The following WTAP variants were observed in gnomAD, a reference collection of about 807,000 sequenced individuals.
WTAP encodes the protein WT1 associated protein, also known as pre-mRNA-splicing regulator WTAP.
Under a neutral mutation model 50.0 loss-of-function variants are expected in WTAP, and 8 were observed. That is an observed-to-expected ratio of 0.16 (90% CI 0.09 to 0.29). The LOEUF is 0.29. Among genes scored for constraint, WTAP ranks in the 10% least tolerant of loss-of-function variants. The pLI is 1.00. For synonymous variants in WTAP, 194 were observed against 169.0 expected, an observed-to-expected ratio of 1.15 and a Z score of -1.15; for missense variants, 295 against 470.7, an observed-to-expected ratio of 0.63 and a Z score of 3.45.
intron 2 of WTAP, among the ~76,000 whole-genome samples, chr6:159,738,393 T>C (rs9364534): frequency 0.21 from 32,015 of 152,146 alleles, 3,509 homozygotes; most frequent in East Asian, 0.4. Context: ...TTAAGGCTTA[T>C]ACAAATTGTT....
In WTAP at chr6:159,755,083, C is replaced by A; in HGVS notation, c.663C>A (p.Thr221=). The A allele has an allele frequency of 6.2e-7, 1 of 1,614,140 alleles. No homozygotes were observed. The highest frequency in any genetic ancestry group is 1.1e-5 in the South Asian group (1 of 91,070). ...AAGAAGTAGAGGGTATGCAGAGTAC[C>A]ATTCTAGTTCTGCAGCAGCAGCTGA... ...LDEEVEGMQS[T]ILVLQQQLKE... The change falls in exon 8 of 8, where the codon ACC becomes ACA. Residue 221 remains threonine, a synonymous_variant. Transcript: ENST00000621533.
intron 2 of WTAP, 67 bp downstream of exon 2, chr6:159,736,362 T>C (rs1056330952): frequency 8.5e-7 from 1 of 1,172,028 alleles, no homozygotes; most frequent in Admixed American, 2.1e-5. Context: ...TTAAGCACTT[T>C]AAAAAAAAAT....
chr6:159,729,527 A>G (rs941903749), intron 1 of WTAP, among the ~76,000 whole-genome samples: 1 of 152,246 alleles, frequency 6.6e-6, no homozygotes, highest in African/African-American at 2.4e-5. Context: ...TTCTAAGTGC[A>G]CATTGAAGTT....
chr6:159,751,669 C>G (rs1562466741), intron 6 of WTAP, among the ~76,000 whole-genome samples: 1 of 152,344 alleles, frequency 6.6e-6, no homozygotes, highest in East Asian at 1.9e-4. Context: ...GTGGCTTTCA[C>G]CCTCGGGCTC....
rs200509804 is a variant in WTAP at position 159,733,917 on chromosome 6, C to CA, written c.-8-2332dup. On this transcript the variant is annotated intron_variant, in intron 1 of 7. Transcript: ENST00000621533. ...GGCAACAAGAGCGAAACTCCATCTCCAAAAAAAAAGATTAAACAGAGAAAG... is the reference window on the plus strand; with the variant it reads ...GGCAACAAGAGCGAAACTCCATCTCCAAAAAAAAAAGATTAAACAGAGAAAG... 2.3e-4 allele frequency among the ~76,000 whole-genome samples: 34 copies of CA among 150,134 alleles called. No individual in the cohort carries two copies. In the South Asian group the frequency reaches 3.2e-3, roughly 14 times the overall value.
At position 159,753,587 on chromosome 6, in the gene WTAP, A is replaced by G; in HGVS notation, c.580A>G (p.Ser194Gly). ...EAELALQKKY[S>G]EELKSSQDEL... Reference sequence around the variant, plus strand: ...AGAGTTGGCTTTACAGAAGAAATACAGTGAGGAGCTTAAAAGCAGTCAGGA... The same window carrying G: ...AGAGTTGGCTTTACAGAAGAAATACGGTGAGGAGCTTAAAAGCAGTCAGGA... Residue 194 changes from serine (S) to glycine (G), a missense_variant, in exon 7 of 8, where the codon AGT (serine) becomes GGT (glycine). By Grantham distance (56) the Ser-to-Gly change is moderately conservative. Around this residue, in one of 2 missense-constraint regions of WTAP, gnomAD observed 120 missense variants for 287.6 expected, o/e 0.42. Transcript: ENST00000621533. 1 of 1,613,690 alleles carries G rather than the reference A, an allele frequency of 6.2e-7. No individual in the cohort carries two copies. The highest frequency in any genetic ancestry group is 8.5e-7 in the Non-Finnish European group (1 of 1,179,716).
chr6:159,755,760 C>CTTTTTTTTTTTTTTTTTTTTTTTT lies in WTAP; in HGVS notation c.*153_*154insTTTTTTTTTTTTTTTTTTTTTTTT, dbSNP rs1779984995. 8 of 283,698 alleles carry CTTTTTTTTTTTTTTTTTTTTTTTT rather than the reference C, an allele frequency of 2.8e-5. No individual in the cohort carries two copies. The highest frequency in any genetic ancestry group is 2.0e-4 in the African/African-American group (4 of 19,974). The allele number at this position is 283,698 out of a possible 1,614,324, so 17.6% of individuals were successfully genotyped here. ...TGTTTTTTTTCTTTGTTTTTTTTTT[C>CTTTTTTTTTTTTTTTTTTTTTTTT]TTTTCTTTTTTTTTTTTTTTTTTTT... On this transcript the variant is annotated 3_prime_UTR_variant, in exon 8 of 8. Coordinates refer to ENST00000621533, the MANE Select transcript of WTAP (RefSeq NM_001270531.2).
At chr6:159,740,106 A>G (rs1779160959) in intron 3 of WTAP, among the ~76,000 whole-genome samples, 1 of 151,778 alleles carries the variant, frequency 6.6e-6, no homozygotes. Context: ...TGGCCTCCCA[A>G]AGTGCTGGGA....
At position 159,753,690 on chromosome 6, in the gene WTAP, A is replaced by G. The variant is rs1003535513; in HGVS notation, c.607+76A>G. On this transcript the variant is annotated intron_variant, in intron 7 of 7. Coordinates refer to ENST00000621533, the MANE Select transcript of WTAP (RefSeq NM_001270531.2). ...TTTAAAACTGCCAGTCATGAATATT[A>G]TAGGTTAGATTCTGTACATTGTTAA... is the stretch of plus-strand genomic sequence containing the variant. 3 of 1,502,322 alleles carry G rather than the reference A, an allele frequency of 2.0e-6. No individual in the cohort carries two copies. In the Admixed American group the frequency reaches 6.3e-5, roughly 32 times the overall value. The allele number at this position is 1,502,322 out of a possible 1,614,324, so 93.1% of individuals were successfully genotyped here.
chr6:159,754,951 CT>C, intron 7 of WTAP, 76 bp from the exon 8 acceptor site: 1 of 1,411,144 alleles, frequency 7.1e-7, no homozygotes, highest in South Asian at 1.5e-5. Flanking sequence ...GACTCCCTTG[CT>C]TTGTGGCAGG....
intron 1 of WTAP, among the ~76,000 whole-genome samples, chr6:159,732,246 C>G (rs1778618066): frequency 6.6e-6 from 1 of 152,038 alleles, no homozygotes; most frequent in South Asian, 2.1e-4. Flanking sequence ...CTTTTATAAG[C>G]TGGAATTTAT....
chr6:159,755,344 G>A lies in WTAP; in HGVS notation c.924G>A (p.Gly308=). 1.2e-6 allele frequency: 2 copies of A among 1,614,230 alleles called. No individual in the cohort carries two copies. Among genetic ancestry groups the A allele is most frequent in the Non-Finnish European group, 8.5e-7 (1 of 1,180,042 alleles). The stretch of plus-strand genomic sequence containing the variant: ...AAGATGACTTTCCTTCTTCTCCAGG[G>A]AATGGTAATAAGTCCTCCAACAGCT... ...TTEDDFPSSP[G]NGNKSSNSSE... The change falls in exon 8 of 8, where the codon GGG becomes GGA. Residue 308 remains glycine, a synonymous_variant. Coordinates refer to ENST00000621533, the MANE Select transcript of WTAP (RefSeq NM_001270531.2).
chr6:159,754,099 A>T (rs889622631), intron 7 of WTAP, among the ~76,000 whole-genome samples: 6 of 152,230 alleles, frequency 3.9e-5, no homozygotes, highest in African/African-American at 7.2e-5. Flanking sequence ...CATCCTTTTT[A>T]GTGCAAGTGT....
chr6:159,737,734 C>T (rs1302184992), intron 2 of WTAP, among the ~76,000 whole-genome samples: 1 of 152,152 alleles, frequency 6.6e-6, no homozygotes, highest in African/African-American at 2.4e-5. Context: ...TCAAGATATA[C>T]TCCCGCCTCA....
chr6:159,730,708 C>G (rs2114869007), intron 1 of WTAP, among the ~76,000 whole-genome samples: 1 of 152,048 alleles, frequency 6.6e-6, no homozygotes, highest in East Asian at 1.9e-4. Flanking sequence ...TCTGAATTTC[C>G]CAAGTTGGAT....
chr6:159,728,118 A>C (rs1002314608), intron 1 of WTAP, among the ~76,000 whole-genome samples: 2 of 152,258 alleles, frequency 1.3e-5, no homozygotes, highest in African/African-American at 4.8e-5. Flanking sequence ...TTCGTTCCCT[A>C]CATTTCATGT....
intron 4 of WTAP, among the ~76,000 whole-genome samples, chr6:159,742,834 TCAC>T (rs1779342988): frequency 1.3e-5 from 2 of 151,698 alleles, no homozygotes; most frequent in African/African-American, 4.8e-5. Flanking sequence ...GGTGGGAAGA[TCAC>T]TTGAGCCCAG....
chr6:159,728,135 G>A (rs1778328696), intron 1 of WTAP, among the ~76,000 whole-genome samples: 1 of 152,258 alleles, frequency 6.6e-6, no homozygotes, highest in African/African-American at 2.4e-5. Flanking sequence ...ATGTCACGCA[G>A]TAGGATGTTA....
intron 3 of WTAP, chr6:159,741,505 A>G (rs1161469893): frequency 2.6e-5 from 4 of 151,502 alleles, no homozygotes; most frequent in Non-Finnish European, 5.9e-5. Context: ...CAGCAGTGGG[A>G]TTTTTTTTTC....
Sources: allele counts gnomAD v4.1 joint callset (sites outside exome capture counted in the v4.1 genomes callset), GRCh38; gene constraint gnomAD v4.1.1; regional missense constraint gnomAD v4.1.1; transcripts MANE v1.5; gene names NCBI Gene and HGNC (gene_info 2026-07-23, HGNC 2026-07-21).